The following BLK variants were observed in gnomAD, a reference collection of about 807,000 sequenced individuals.
BLK encodes BLK proto-oncogene, Src family tyrosine kinase, also known as tyrosine-protein kinase Blk.
A neutral mutation model predicts 61.8 loss-of-function variants in BLK; 64 were observed. The observed-to-expected ratio is 1.03, with a 90% confidence interval of 0.85 to 1.27. The LOEUF is 1.27. Ranked by LOEUF, BLK falls within the 50% of genes most tolerant of loss-of-function variation. The probability of loss-of-function intolerance (pLI) is 0.00; values close to 1 mark genes in which losing one functional copy is unlikely to be tolerated. For synonymous variants in BLK, 351 were observed against 272.0 expected (o/e 1.29, Z -2.86); for missense variants, 853 against 660.5 (o/e 1.29, Z -3.19).
At chr8:11,531,061 C>T (rs1043476329) in intron 1 of BLK, among the ~76,000 whole-genome samples, 1 of 152,148 alleles carries the variant, frequency 6.6e-6, no homozygotes, top group African/African-American at 2.4e-5. Context: ...TGGCATTTCA[C>T]TGTGGTTTTA....
intron 9 of BLK, among the ~76,000 whole-genome samples, chr8:11,557,118 C>A (rs774187017): frequency 5.9e-5 from 9 of 152,146 alleles, no homozygotes; most frequent in Non-Finnish European, 8.8e-5. Flanking sequence ...CTCTTTGATG[C>A]CTGCTGGGAG....
chr8:11,496,836 C>G lies in BLK; in HGVS notation c.-2+2245C>G, dbSNP rs546913537. ...TGGCTGTGAGCTGGGCTCGACAGCC[C>G]TTCCTCGAGAGTAAACTGTGGCCTC... On this transcript the variant is annotated intron_variant, in intron 1 of 12. Transcript: ENST00000259089. Among the ~76,000 whole-genome samples the G allele has an allele frequency of 8.5e-5, 13 of 152,298 alleles. No homozygotes were observed. In the South Asian group the frequency reaches 2.1e-3, roughly 24 times the overall value.
At chr8:11,512,457 G>A (rs1799051470) in intron 1 of BLK, among the ~76,000 whole-genome samples, 1 of 152,172 alleles carries the variant, frequency 6.6e-6, no homozygotes, top group African/African-American at 2.4e-5. Flanking sequence ...AAGCCCAACA[G>A]TTCTAATCAT....
At chr8:11,526,154 A>C (rs1401008319) in intron 1 of BLK, among the ~76,000 whole-genome samples, 1 of 152,184 alleles carries the variant, frequency 6.6e-6, no homozygotes, top group Non-Finnish European at 1.5e-5. Context: ...AGCTAAATAC[A>C]CTGACAGATG....
chr8:11,506,832 A>G (rs1798786067), intron 1 of BLK, among the ~76,000 whole-genome samples: 1 of 152,234 alleles, frequency 6.6e-6, no homozygotes, highest in Admixed American at 6.5e-5. Flanking sequence ...GGGGCCCCCC[A>G]GGTGGGACTC....
intron 1 of BLK, among the ~76,000 whole-genome samples, chr8:11,538,332 T>G (rs1263673702): frequency 6.6e-6 from 1 of 152,174 alleles, no homozygotes; most frequent in Non-Finnish European, 1.5e-5. Context: ...AACTGCTGGG[T>G]GCAGCCCGAG....
At chr8:11,527,473 TC>T (rs1249807461) in intron 1 of BLK, among the ~76,000 whole-genome samples, 1 of 151,210 alleles carries the variant, frequency 6.6e-6, no homozygotes, top group East Asian at 1.9e-4. Flanking sequence ...AATTTTTCTT[TC>T]TTTTTTTTTT....
intron 1 of BLK, among the ~76,000 whole-genome samples, chr8:11,499,049 T>C (rs1229706478): frequency 1.3e-5 from 2 of 152,226 alleles, no homozygotes; most frequent in African/African-American, 2.4e-5. Context: ...TTTAGTAAGA[T>C]TGAGAGCCAT....
At chr8:11,555,950 C>T in intron 8 of BLK, 1 of 237,318 alleles carries the variant, frequency 4.2e-6, no homozygotes, top group Non-Finnish European at 7.6e-6. Flanking sequence ...TCGCTGCTGA[C>T]ACCTGCCCCC....
chr8:11,546,015 G>T (rs1233620223), intron 2 of BLK, 37 bp from the exon 3 acceptor site: 3 of 1,610,046 alleles, frequency 1.9e-6, no homozygotes, highest in Non-Finnish European at 2.6e-6. Context: ...CACGCAGCAG[G>T]GACTGAAATA....
intron 1 of BLK, among the ~76,000 whole-genome samples, chr8:11,527,664 A>C (rs1454603835): frequency 2.0e-5 from 3 of 151,806 alleles, no homozygotes; most frequent in African/African-American, 7.3e-5. Context: ...GGGTGTGGAA[A>C]ATTGCCCTTG....
At chr8:11,540,913 T>C (rs555890003) in intron 1 of BLK, among the ~76,000 whole-genome samples, 4 of 151,484 alleles carry the variant, frequency 2.6e-5, no homozygotes, top group Non-Finnish European at 5.9e-5. Context: ...CGCACCTTAA[T>C]GCTAATGCCT....
At chr8:11,495,145 C>A (rs142325409) in intron 1 of BLK, among the ~76,000 whole-genome samples, 21 of 152,278 alleles carry the variant, frequency 1.4e-4, no homozygotes, top group African/African-American at 3.1e-4. Flanking sequence ...TCTATTTCAC[C>A]AGGAAACACC....
intron 1 of BLK, among the ~76,000 whole-genome samples, chr8:11,508,605 C>A (rs1798872030): frequency 6.6e-6 from 1 of 152,248 alleles, no homozygotes; most frequent in African/African-American, 2.4e-5. Flanking sequence ...CATGTCAGTC[C>A]TCTCCCGCAT....
intron 10 of BLK, chr8:11,558,392 G>A (rs1585417671): frequency 5.4e-6 from 2 of 369,796 alleles, no homozygotes; most frequent in Admixed American, 3.7e-5. Flanking sequence ...GCAGGCAAGT[G>A]TGTTCTGTTG....
At chr8:11,506,072 G>A (rs1798760065) in intron 1 of BLK, among the ~76,000 whole-genome samples, 1 of 152,254 alleles carries the variant, frequency 6.6e-6, no homozygotes, top group Non-Finnish European at 1.5e-5. Context: ...TTTTGGGCCA[G>A]GTGCCAGGTG....
In BLK at chr8:11,563,793, G is replaced by A. The variant is rs561733314; in HGVS notation, c.1313-110G>A. On this transcript the variant is annotated intron_variant, in intron 12 of 12. Coordinates refer to ENST00000259089, the MANE Select transcript of BLK (RefSeq NM_001715.3). The stretch of plus-strand genomic sequence containing the variant: ...GCTGGAGAAGTGGTCTGGGACTGTG[G>A]GCACTGCTGTCCCTTGCCTGGGCCC... 11 of 1,050,974 alleles carry A rather than the reference G, an allele frequency of 1.0e-5. No individual in the cohort carries two copies. In the African/African-American group the frequency reaches 1.6e-4, roughly 15 times the overall value. 65.1% of individuals were successfully genotyped at this position (1,050,974 alleles called of 1,614,324 possible).
intron 1 of BLK, among the ~76,000 whole-genome samples, chr8:11,519,655 C>G (rs1012313553): frequency 6.6e-6 from 1 of 152,216 alleles, no homozygotes; most frequent in Non-Finnish European, 1.5e-5. Context: ...TTCTAATTCT[C>G]TGAACAACCG....
chr8:11,527,325 G>A (rs1799697858), intron 1 of BLK, among the ~76,000 whole-genome samples: 2 of 152,196 alleles, frequency 1.3e-5, no homozygotes, highest in South Asian at 4.1e-4. Flanking sequence ...ATATACTCTT[G>A]TATAAAGTCC....
Sources: allele counts gnomAD v4.1 joint callset (sites outside exome capture counted in the v4.1 genomes callset), GRCh38; gene constraint gnomAD v4.1.1; transcripts MANE v1.5; gene names NCBI Gene and HGNC (gene_info 2026-07-23, HGNC 2026-07-21).